The following PCDHGA2 variants were observed in gnomAD, a reference collection of about 807,000 sequenced individuals.
PCDHGA2 encodes the protein protocadherin gamma subfamily A, 2.
PCDHGA2 carries 40 observed loss-of-function variants against 59.2 expected under a neutral mutation model. The ratio of observed to expected loss-of-function variants is 0.68; its 90% CI spans 0.52 to 0.88. PCDHGA2 has a LOEUF of 0.88. Ranked by LOEUF, PCDHGA2 falls within the 40% of genes least tolerant of loss-of-function variation. The probability of loss-of-function intolerance (pLI) is 0.00; values close to 1 mark genes in which losing one functional copy is unlikely to be tolerated. For synonymous variants in PCDHGA2, 560 were observed against 526.0 expected, an observed-to-expected ratio of 1.06 and a Z score of -0.89; for missense variants, 1,226 against 1,204.0, an observed-to-expected ratio of 1.02 and a Z score of -0.27.
chr5:141,394,511 C>T, intron 1 of PCDHGA2: 1 of 1,614,218 alleles, frequency 6.2e-7, no homozygotes. Flanking sequence ...TGTACCCCGC[C>T]CTCCCCACAG....
chr5:141,490,181 G>T lies in PCDHGA2; in HGVS notation c.2425-4626G>T, dbSNP rs755899660. ...GGTCCCATAGACTTTGAGGAGTCAC[G>T]TTTCTATGAAATTCATGCAAGAGCC... is the stretch of plus-strand genomic sequence containing the variant. On this transcript the variant is annotated intron_variant, in intron 1 of 3. Coordinates refer to ENST00000394576, the MANE Select transcript of PCDHGA2 (RefSeq NM_018915.4). The surrounding 1 kb of genome is among the most constrained non-coding windows in gnomAD (Gnocchi z 5.4). The T allele has an allele frequency of 6.2e-7, 1 of 1,614,200 alleles. No individual in the cohort carries two copies. The highest frequency in any genetic ancestry group is 8.5e-7 in the Non-Finnish European group (1 of 1,180,030).
chr5:141,432,209 A>C lies in PCDHGA2; in HGVS notation c.2425-62598A>C, dbSNP rs1473794319. ...CGCCCACGACCCCGACTGTGAAGAGAACGCCCAGATCACTTATTCCCTGGC... is the reference window on the plus strand; with the variant it reads ...CGCCCACGACCCCGACTGTGAAGAGCACGCCCAGATCACTTATTCCCTGGC... On this transcript the variant is annotated intron_variant, in intron 1 of 3. Transcript: ENST00000394576. This position sits in a 1 kb window ranked among gnomAD's most constrained non-coding sequence, Gnocchi z 6.0. 2 of 1,614,098 alleles carry C rather than the reference A, an allele frequency of 1.2e-6. No homozygotes were observed. Among genetic ancestry groups the C allele is most frequent in the Non-Finnish European group, 8.5e-7 (1 of 1,180,032 alleles).
intron 1 of PCDHGA2, chr5:141,362,081 G>A: frequency 6.2e-7 from 1 of 1,613,190 alleles, no homozygotes; most frequent in Non-Finnish European, 8.5e-7. Flanking sequence ...GTGCGTGATG[G>A]AGGACAGCCG....
intron 1 of PCDHGA2, chr5:141,389,258 C>G: frequency 6.2e-7 from 1 of 1,614,022 alleles, no homozygotes; most frequent in Non-Finnish European, 8.5e-7. Context: ...ATATAGTCCA[C>G]GTGGCCGAGA....
At chr5:141,385,170 C>T (rs1561606866) in intron 1 of PCDHGA2, 2 of 1,614,212 alleles carry the variant, frequency 1.2e-6, no homozygotes, top group Non-Finnish European at 1.7e-6. Flanking sequence ...CCCATGAGGT[C>T]TCCCTCACCG....
Position 141,389,814 on chromosome 5 carries a change from G to C in PCDHGA2, c.2424+48419G>C, listed in dbSNP as rs753211260. 2.0e-5 allele frequency: 32 copies of C among 1,613,868 alleles called. No individual in the cohort carries two copies. In the Admixed American group the frequency reaches 5.0e-4, roughly 25 times the overall value. ...CGTCCGCCAGCGCCTTCTGGTCGCCGTGCGTGACGGTGGACAGCCACCACT... is the reference window on the plus strand; with the variant it reads ...CGTCCGCCAGCGCCTTCTGGTCGCCCTGCGTGACGGTGGACAGCCACCACT... On this transcript the variant is annotated intron_variant, in intron 1 of 3. Transcript: ENST00000394576.
intron 1 of PCDHGA2, chr5:141,376,960 T>C (rs1773581564): frequency 6.1e-6 from 1 of 162,766 alleles, no homozygotes; most frequent in Admixed American, 5.9e-5. Context: ...GTGCTGGGAT[T>C]ACAGGCGTGA....
intron 1 of PCDHGA2, chr5:141,366,852 A>T (rs1764825347): frequency 7.0e-7 from 1 of 1,434,404 alleles, no homozygotes; most frequent in Non-Finnish European, 9.4e-7. Context: ...TAAATAGTGG[A>T]ACATTATTTG....
intron 2 of PCDHGA2, among the ~76,000 whole-genome samples, chr5:141,501,751 C>G (rs188896150): frequency 1.4e-3 from 218 of 152,250 alleles, no homozygotes; most frequent in South Asian, 3.1e-3. Flanking sequence ...ATAGGAAGCT[C>G]TCAGTAAATG....
At chr5:141,443,113 T>C (rs2098364390) in intron 1 of PCDHGA2, among the ~76,000 whole-genome samples, 1 of 152,040 alleles carries the variant, frequency 6.6e-6, no homozygotes, top group African/African-American at 2.4e-5. Flanking sequence ...ACCTTGCTTT[T>C]CAAACCAGAT....
At chr5:141,421,513 C>T (rs368199651) in intron 1 of PCDHGA2, 14 of 1,613,960 alleles carry the variant, frequency 8.7e-6, no homozygotes, top group Non-Finnish European at 1.1e-5. Context: ...CCGGGAGGAG[C>T]TCTGTGAGAC....
intron 1 of PCDHGA2, among the ~76,000 whole-genome samples, chr5:141,437,629 G>A (rs538730617): frequency 6.6e-6 from 1 of 152,284 alleles, no homozygotes; most frequent in Non-Finnish European, 1.5e-5. Flanking sequence ...CATATAAGAT[G>A]TCAGGTTCAG....
intron 1 of PCDHGA2, chr5:141,478,777 C>T: frequency 6.7e-7 from 1 of 1,488,806 alleles, no homozygotes. Context: ...CATCTGTGGA[C>T]CTAATTCACA....
At chr5:141,495,274 G>A (rs1396412578) in intron 2 of PCDHGA2, among the ~76,000 whole-genome samples, 1 of 152,190 alleles carries the variant, frequency 6.6e-6, no homozygotes, top group Non-Finnish European at 1.5e-5. Context: ...TTGACCGGAG[G>A]AGGCGGTCCG....
intron 1 of PCDHGA2, chr5:141,426,612 G>A (rs2096947310): frequency 2.6e-6 from 1 of 384,602 alleles, no homozygotes; most frequent in Non-Finnish European, 5.3e-6. Flanking sequence ...GATTGTAGCA[G>A]AGAATCCTCT....
In PCDHGA2 at chr5:141,432,853, C is replaced by A. The variant is rs748301578; in HGVS notation, c.2425-61954C>A. 1.1e-5 allele frequency: 17 copies of A among 1,614,176 alleles called. No homozygotes were observed. Among genetic ancestry groups the A allele is most frequent in the East Asian group, 4.5e-5 (2 of 44,874 alleles). On this transcript the variant is annotated intron_variant, in intron 1 of 3. Transcript: ENST00000394576. The surrounding 1 kb of genome is among the most constrained non-coding windows in gnomAD (Gnocchi z 6.0). ...CTCTGTACCTGGTGGTAGCGGTGGC[C>A]GCGGTCTCCTGCGTCTTCCTGGCCT...
intron 1 of PCDHGA2, chr5:141,351,129 T>A (rs768920923): frequency 6.2e-7 from 1 of 1,614,048 alleles, no homozygotes; most frequent in Admixed American, 1.7e-5. Context: ...CTCTTCAATC[T>A]CAATCCAAAT....
chr5:141,509,086 A>T lies in PCDHGA2; in HGVS notation c.2573-1861A>T, dbSNP rs147084289. On this transcript the variant is annotated intron_variant, in intron 3 of 3. Coordinates refer to ENST00000394576, the MANE Select transcript of PCDHGA2 (RefSeq NM_018915.4). ...CAGCTCCGGGGATTTGCGACATGAAATGGGGGCTGTAGAAACCTGAGCGCT... is the reference window on the plus strand; with the variant it reads ...CAGCTCCGGGGATTTGCGACATGAATTGGGGGCTGTAGAAACCTGAGCGCT... 8.3e-3 allele frequency among the ~76,000 whole-genome samples: 1,261 copies of T among 152,228 alleles called. 7 individuals are homozygous for T. Among genetic ancestry groups the T allele is most frequent in the Middle Eastern group, 0.037 (11 of 294 alleles).
In PCDHGA2 at chr5:141,494,027, G is replaced by A. The variant is rs77020157; in HGVS notation, c.2425-780G>A. 1.5e-4 allele frequency among the ~76,000 whole-genome samples: 23 copies of A among 152,298 alleles called. No homozygotes were observed. In the East Asian group the frequency reaches 3.3e-3, roughly 22 times the overall value. ...ACACATCAGCCCCTTGGGAGCCCTGGAGACTTAGTTGGCCCTGCTTGGAGG... is the reference window on the plus strand; with the variant it reads ...ACACATCAGCCCCTTGGGAGCCCTGAAGACTTAGTTGGCCCTGCTTGGAGG... On this transcript the variant is annotated intron_variant, in intron 1 of 3. Coordinates refer to ENST00000394576, the MANE Select transcript of PCDHGA2 (RefSeq NM_018915.4).
Sources: gnomAD v4.1 joint callset for allele counts (sites outside exome capture counted in the v4.1 genomes callset) on GRCh38, gnomAD v4.1.1 for gene constraint, Gnocchi (gnomAD v3.1) non-coding constraint, MANE v1.5 for transcripts, NCBI Gene and HGNC (gene_info 2026-07-23, HGNC 2026-07-21) for gene names.